Variants in CIMIP2A observed in about 807,000 individuals in gnomAD.
CIMIP2A encodes the protein family with sequence similarity 166 member A.
At chr9:137,252,577 G>C in the CIMIP2A span, 3 of 1,501,912 alleles carry the variant, frequency 2.0e-6, 1 homozygote, top group Non-Finnish European at 2.7e-6. Flanking sequence ...CAGGGGGCTG[G>C]GGGTTCCAGT....
At chr9:137,250,389 G>A in the CIMIP2A span, 1 of 152,328 alleles carries the variant, frequency 6.6e-6, no homozygotes, top group Non-Finnish European at 1.5e-5. Flanking sequence ...CGGAGCACAG[G>A]CGTGAACCCC....
chr9:137,246,165 G>C, the CIMIP2A span, among the ~76,000 whole-genome samples: 1 of 152,208 alleles, frequency 6.6e-6, no homozygotes, highest in Non-Finnish European at 1.5e-5. Context: ...AGCAAATCAG[G>C]GGTGCTCTGC....
chr9:137,244,149 T>G, the CIMIP2A span: 1 of 1,611,862 alleles, frequency 6.2e-7, no homozygotes. Context: ...TGTGTCCATG[T>G]GACCCTGCCC....
chr9:137,244,786 C>T, the CIMIP2A span: 11 of 1,596,262 alleles, frequency 6.9e-6, no homozygotes, highest in East Asian at 1.3e-4. Flanking sequence ...TAGCCTTCCC[C>T]TGGGCACACC....
the CIMIP2A span, among the ~76,000 whole-genome samples, chr9:137,254,042 C>T: frequency 2.6e-5 from 4 of 152,200 alleles, no homozygotes; most frequent in African/African-American, 7.2e-5. Flanking sequence ...CTGGCCTGCC[C>T]TCCTACCCAG....
At chr9:137,244,217 G>C in the CIMIP2A span, 1 of 1,613,960 alleles carries the variant, frequency 6.2e-7, no homozygotes, top group Non-Finnish European at 8.5e-7. Flanking sequence ...GGCTGCTGTA[G>C]ATGTGGTTGC....
At chr9:137,254,781 C>A in the CIMIP2A span, among the ~76,000 whole-genome samples, 1 of 151,870 alleles carries the variant, frequency 6.6e-6, no homozygotes, top group African/African-American at 2.4e-5. Flanking sequence ...GTGGGCGCCA[C>A]AGCCTCCCGG....
chr9:137,244,272 G>T, the CIMIP2A span: 2 of 1,613,756 alleles, frequency 1.2e-6, no homozygotes, highest in Non-Finnish European at 1.7e-6. Context: ...GTCACAGTGG[G>T]GGTTTCTAAA....
At chr9:137,254,702 G>A in the CIMIP2A span, among the ~76,000 whole-genome samples, 1 of 152,210 alleles carries the variant, frequency 6.6e-6, no homozygotes, top group East Asian at 1.9e-4. Context: ...GGCCCGGGGA[G>A]CCCACCCGCC....
At chr9:137,249,195 A>G in the CIMIP2A span, among the ~76,000 whole-genome samples, 1 of 152,192 alleles carries the variant, frequency 6.6e-6, no homozygotes, top group East Asian at 1.9e-4. Context: ...CAGTCCGTAA[A>G]TATAAGGGCA....
chr9:137,253,503 T>G, the CIMIP2A span: 1 of 1,423,440 alleles, frequency 7.0e-7, no homozygotes, highest in South Asian at 1.5e-5. Context: ...TGTGCAGTTG[T>G]CTGTCCTTCA....
the CIMIP2A span, chr9:137,253,089 G>A: frequency 4.5e-6 from 7 of 1,545,176 alleles, no homozygotes; most frequent in Admixed American, 1.9e-5. Context: ...TACCTGGGTG[G>A]GGCTCCCAGC....
the CIMIP2A span, among the ~76,000 whole-genome samples, chr9:137,246,881 G>C: frequency 6.6e-6 from 1 of 152,144 alleles, no homozygotes; most frequent in Non-Finnish European, 1.5e-5. Flanking sequence ...CATGTAGCGT[G>C]TGTGTATGTA....
At chr9:137,251,707 C>CT in the CIMIP2A span, 1 of 1,552,974 alleles carries the variant, frequency 6.4e-7, no homozygotes. Context: ...CGGCCGGGGG[C>CT]TGAGACAGTG....
the CIMIP2A span, among the ~76,000 whole-genome samples, chr9:137,246,034 G>A: frequency 6.6e-6 from 1 of 152,332 alleles, no homozygotes; most frequent in South Asian, 2.1e-4. Context: ...GCCTTCTAGA[G>A]CTCTCTCAGC....
the CIMIP2A span, chr9:137,252,746 A>G: frequency 6.4e-7 from 1 of 1,558,042 alleles, no homozygotes; most frequent in Non-Finnish European, 8.7e-7. Context: ...CGCTTCCAAG[A>G]CACCTGAAGG....
chr9:137,244,848 C>A, the CIMIP2A span: 1 of 1,566,282 alleles, frequency 6.4e-7, no homozygotes, highest in South Asian at 1.2e-5. Flanking sequence ...CTTTCGTTCC[C>A]TGAACGTTGG....
chr9:137,243,769 G>C, the CIMIP2A span: 1 of 1,614,046 alleles, frequency 6.2e-7, no homozygotes, highest in Non-Finnish European at 8.5e-7. Flanking sequence ...CGAATGTCAG[G>C]GCGTAGTTGT....
the CIMIP2A span, chr9:137,252,233 C>T: frequency 1.3e-6 from 2 of 1,482,904 alleles, no homozygotes; most frequent in Admixed American, 4.0e-5. Context: ...GGCCTGAGGG[C>T]CCCTCCACCC....
Sources: gnomAD v4.1 joint callset for allele counts (sites outside exome capture counted in the v4.1 genomes callset) on GRCh38, gnomAD v4.1.1 for gene constraint, MANE v1.5 for transcripts, NCBI Gene and HGNC (gene_info 2026-07-23, HGNC 2026-07-21) for gene names.